The following CD48 variants were observed in gnomAD, a reference collection of about 807,000 sequenced individuals.
CD48 encodes CD48 molecule, also known as CD48 antigen.
In CD48, 20 loss-of-function variants were observed where a neutral mutation model predicts 22.0. That is an observed-to-expected ratio of 0.91 (90% CI 0.64 to 1.32). CD48 has a LOEUF of 1.32. Ranked by LOEUF, CD48 falls within the 40% of genes most tolerant of loss-of-function variation. CD48 has a pLI of 0.00. For missense variants in CD48, 307 were observed against 286.5 expected (o/e 1.07, Z -0.52); for synonymous variants, 110 against 110.1 (o/e 1.00, Z 0.01).
intron 1 of CD48, among the ~76,000 whole-genome samples, chr1:160,706,730 G>C (rs1324003988): frequency 6.6e-6 from 1 of 152,070 alleles, no homozygotes; most frequent in Admixed American, 6.6e-5. Context: ...AAAAAAAGAA[G>C]AAGAAATAGA....
At chr1:160,686,468 C>A (rs1216545038) in intron 1 of CD48, 1 of 152,082 alleles carries the variant, frequency 6.6e-6, no homozygotes, top group East Asian at 1.9e-4. Context: ...TAGGGTAAGC[C>A]AAAGGGTGAT....
intron 1 of CD48, among the ~76,000 whole-genome samples, chr1:160,688,143 C>A (rs1403855883): frequency 6.6e-6 from 1 of 152,138 alleles, no homozygotes; most frequent in Non-Finnish European, 1.5e-5. Context: ...GTTGAGAATT[C>A]CACATTTGGG....
chr1:160,700,604 C>A (rs961760246), intron 1 of CD48, among the ~76,000 whole-genome samples: 3 of 152,126 alleles, frequency 2.0e-5, no homozygotes, highest in Non-Finnish European at 4.4e-5. Context: ...TGGATTCTTT[C>A]TTCTACAAAT....
intron 1 of CD48, among the ~76,000 whole-genome samples, chr1:160,706,876 G>A (rs1274102964): frequency 6.6e-6 from 1 of 152,168 alleles, no homozygotes; most frequent in Non-Finnish European, 1.5e-5. Flanking sequence ...GTTTTAAAGA[G>A]TAAGTTCCGG....
At chr1:160,703,451 G>T (rs1346412720) in intron 1 of CD48, among the ~76,000 whole-genome samples, 1 of 152,128 alleles carries the variant, frequency 6.6e-6, no homozygotes, top group African/African-American at 2.4e-5. Context: ...TAGTGGATGG[G>T]GGATGGCCTG....
intron 1 of CD48, among the ~76,000 whole-genome samples, chr1:160,706,228 C>T (rs1558039816): frequency 6.6e-6 from 1 of 152,128 alleles, no homozygotes; most frequent in African/African-American, 2.4e-5. Flanking sequence ...GCATGCACCA[C>T]CACGCCGGGC....
chr1:160,697,939 G>A (rs1662491105), intron 1 of CD48, among the ~76,000 whole-genome samples: 1 of 152,086 alleles, frequency 6.6e-6, no homozygotes, highest in Non-Finnish European at 1.5e-5. Context: ...TTTGGGAATG[G>A]GAAGAAAAAG....
At chr1:160,689,197 G>A (rs1016607810) in intron 1 of CD48, among the ~76,000 whole-genome samples, 5 of 152,168 alleles carry the variant, frequency 3.3e-5, no homozygotes, top group African/African-American at 7.2e-5. Context: ...GTGCATGTCC[G>A]AGGCACAGAG....
At chr1:160,705,092 T>C (rs1384986337) in intron 1 of CD48, among the ~76,000 whole-genome samples, 1 of 152,220 alleles carries the variant, frequency 6.6e-6, no homozygotes, top group East Asian at 1.9e-4. Flanking sequence ...CTGTTCACTT[T>C]CCACATATCC....
intron 1 of CD48, among the ~76,000 whole-genome samples, chr1:160,694,920 G>A (rs1032993031): frequency 2.2e-4 from 33 of 152,380 alleles, no homozygotes; most frequent in South Asian, 6.2e-4. Flanking sequence ...CTTCATTCTC[G>A]CCTTGGAATT....
chr1:160,692,825 A>G (rs1330021863), intron 1 of CD48, among the ~76,000 whole-genome samples: 1 of 152,238 alleles, frequency 6.6e-6, no homozygotes, highest in Non-Finnish European at 1.5e-5. Context: ...TTAGATAAAA[A>G]TGCTAAAAGA....
At chr1:160,683,158 T>C (rs1027427375) in intron 2 of CD48, among the ~76,000 whole-genome samples, 4 of 152,200 alleles carry the variant, frequency 2.6e-5, no homozygotes, top group African/African-American at 9.6e-5. Flanking sequence ...GTTTTCACCA[T>C]TTCCTGTGTT....
intron 3 of CD48, among the ~76,000 whole-genome samples, chr1:160,680,233 C>T (rs1357674220): frequency 6.6e-6 from 1 of 152,174 alleles, no homozygotes; most frequent in South Asian, 2.1e-4. Flanking sequence ...GCTCAGGGAT[C>T]TGACTTCAGG....
intron 1 of CD48, among the ~76,000 whole-genome samples, chr1:160,690,459 C>A (rs1470577640): frequency 6.6e-6 from 1 of 152,178 alleles, no homozygotes; most frequent in African/African-American, 2.4e-5. Context: ...CTGAGGGCAG[C>A]TGTGAACAAT....
intron 1 of CD48, chr1:160,699,440 C>A (rs1476748199): frequency 6.5e-6 from 1 of 153,300 alleles, no homozygotes; most frequent in Non-Finnish European, 1.4e-5. Context: ...AAGGGAAAGA[C>A]CTGACCATCC....
At chr1:160,687,112 C>T (rs964316131) in intron 1 of CD48, among the ~76,000 whole-genome samples, 3 of 152,164 alleles carry the variant, frequency 2.0e-5, no homozygotes, top group Admixed American at 6.5e-5. Flanking sequence ...CGCGTATTCT[C>T]TTTCTCAGGG....
At chr1:160,703,028 A>C (rs962566899) in intron 1 of CD48, among the ~76,000 whole-genome samples, 1 of 152,194 alleles carries the variant, frequency 6.6e-6, no homozygotes, top group African/African-American at 2.4e-5. Context: ...CGTGTAATTT[A>C]TCCCAAGCTC....
At position 160,681,176 on chromosome 1, in the gene CD48, C is replaced by G. The variant is rs187213919; in HGVS notation, c.652+26G>C. On this transcript the variant is annotated intron_variant, in intron 3 of 3. Transcript: ENST00000368046. ...AACAACTCCAGTTACCCTGTGCCCC[C>G]CTCAGCTCCCAGGGATCCTTCTTAC... 190 of 1,614,076 alleles carry G rather than the reference C, an allele frequency of 1.2e-4. No individual in the cohort carries two copies. In the East Asian group the frequency reaches 3.9e-3, roughly 33 times the overall value.
intron 1 of CD48, among the ~76,000 whole-genome samples, chr1:160,702,482 C>T (rs1404523943): frequency 6.6e-6 from 1 of 152,076 alleles, no homozygotes; most frequent in African/African-American, 2.4e-5. Context: ...TCCCTGTTTC[C>T]CTGGTGTTGT....
Sources: allele counts gnomAD v4.1 joint callset (sites outside exome capture counted in the v4.1 genomes callset), GRCh38; gene constraint gnomAD v4.1.1; transcripts MANE v1.5; gene names NCBI Gene and HGNC (gene_info 2026-07-23, HGNC 2026-07-21).